The following MARK4 variants were observed in gnomAD, a reference collection of about 807,000 sequenced individuals.
The protein encoded by MARK4 is MAP/microtubule affinity-regulating kinase 4.
A neutral mutation model predicts 81.5 loss-of-function variants in MARK4; 19 were observed. The observed-to-expected ratio is 0.23, with a 90% confidence interval of 0.16 to 0.34. The LOEUF is 0.34. Among genes scored for constraint, MARK4 ranks in the 10% least tolerant of loss-of-function variants. The probability of loss-of-function intolerance (pLI) is 1.00; values close to 1 mark genes in which losing one functional copy is unlikely to be tolerated. For synonymous variants in MARK4, 436 were observed against 439.0 expected (o/e 0.99, Z 0.08); for missense variants, 772 against 1,058.8 (o/e 0.73, Z 3.76).
chr19:45,301,467 G>T (rs1325560338), intron 16 of MARK4, among the ~76,000 whole-genome samples: 2 of 145,538 alleles, frequency 1.4e-5, no homozygotes, highest in Non-Finnish European at 3.0e-5. Context: ...TGAGGCAGGA[G>T]AATTGCTTGA....
intron 13 of MARK4, among the ~76,000 whole-genome samples, chr19:45,293,882 T>C (rs1970850874): frequency 6.6e-6 from 1 of 152,112 alleles, no homozygotes; most frequent in Non-Finnish European, 1.5e-5. Context: ...TGGTAGATTA[T>C]GAACTGACAC....
At chr19:45,265,932 A>G (rs345422) in intron 6 of MARK4, among the ~76,000 whole-genome samples, 45 of 152,078 alleles carry the variant, frequency 3.0e-4, no homozygotes, top group African/African-American at 9.9e-4. Context: ...CGGCCTGTCT[A>G]TCTACAGGTA....
chr19:45,252,021 A>T (rs894596932), intron 1 of MARK4, among the ~76,000 whole-genome samples: 1 of 147,806 alleles, frequency 6.8e-6, no homozygotes, highest in South Asian at 2.2e-4. Flanking sequence ...AGGGCCCCTG[A>T]CCCCCCAAGG....
At chr19:45,256,682 A>C (rs996293666) in intron 1 of MARK4, among the ~76,000 whole-genome samples, 2 of 152,188 alleles carry the variant, frequency 1.3e-5, no homozygotes, top group Admixed American at 6.5e-5. Context: ...GGGCAGCCTC[A>C]TTTAGGGCAA....
rs1254462525 is a variant in MARK4 at position 45,277,865 on chromosome 19, GT to G, written c.787-57del. The G allele has an allele frequency of 6.2e-6, 9 of 1,455,892 alleles. No individual in the cohort carries two copies. The African/African-American group carries it at 1.4e-4, about 23-fold the overall frequency. 90.2% of individuals were successfully genotyped at this position (1,455,892 alleles called of 1,614,324 possible). A position where few individuals can be genotyped will look rare whatever the true frequency, so the allele number is the denominator to read the frequency against. Reference sequence around the variant, plus strand: ...TGTGTGTGTGTGTGTGTGTGTGTGTGTGTGTAATAGGTGGGGGGCGGGGCAG... The same window carrying G: ...TGTGTGTGTGTGTGTGTGTGTGTGTGGTGTAATAGGTGGGGGGCGGGGCAG... On this transcript the variant is annotated intron_variant, in intron 8 of 16. Transcript: ENST00000262891.
intron 12 of MARK4, among the ~76,000 whole-genome samples, chr19:45,283,409 CAAA>C (rs869039919): frequency 0.027 from 2,342 of 86,198 alleles, 19 homozygotes; most frequent in Non-Finnish European, 0.038. Context: ...GACTTCCTCT[CAAA>C]AAAAAAAAAA....
At chr19:45,261,727 C>T (rs1173606630) in intron 2 of MARK4, among the ~76,000 whole-genome samples, 3 of 152,100 alleles carry the variant, frequency 2.0e-5, no homozygotes, top group Admixed American at 1.3e-4. Flanking sequence ...TGATGTTGGG[C>T]GTTCAAGACC....
In MARK4 at chr19:45,302,496, C is replaced by T. The variant is rs773329195; in HGVS notation, c.2045C>T (p.Ala682Val). The T allele has an allele frequency of 6.2e-7, 1 of 1,606,576 alleles. No homozygotes were observed. Among genetic ancestry groups the T allele is most frequent in the African/African-American group, 1.3e-5 (1 of 75,026 alleles). Reference sequence around the variant, plus strand: ...ATGGCAGCTCTGCGCCAGGCCACAGCAGCCGCCCGCTGCCGCTGCCGCCAG... The same window carrying T: ...ATGGCAGCTCTGCGCCAGGCCACAGTAGCCGCCCGCTGCCGCTGCCGCCAG... ...ALMAALRQAT[A>V]AARCRCRQPQ... The change falls in exon 17 of 17, where the codon GCA becomes GTA. Residue 682 changes from alanine (A) to valine (V), a missense_variant. Ala to Val is a moderately conservative substitution (Grantham distance 64, BLOSUM62 0). Around this residue, in one of 3 missense-constraint regions of MARK4, gnomAD observed 548 missense variants for 624.3 expected, o/e 0.88. Coordinates refer to ENST00000262891, the MANE Select transcript of MARK4 (RefSeq NM_001199867.2). This position sits in a 1 kb window ranked among gnomAD's most constrained non-coding sequence, Gnocchi z 4.9.
chr19:45,288,552 C>CAA (rs60847753), intron 13 of MARK4: 3 of 100,660 alleles, frequency 3.0e-5, no homozygotes, highest in East Asian at 4.1e-4. Flanking sequence ...GACTCCATTT[C>CAA]AAAAAAAAAA....
intron 6 of MARK4, 61 bp from the exon 7 acceptor site, chr19:45,266,164 C>T: frequency 6.4e-7 from 1 of 1,552,746 alleles, no homozygotes; most frequent in Middle Eastern, 1.7e-4. Flanking sequence ...TTTCACAGTC[C>T]ACTGAGGGAG....
rs565526118 is a variant in MARK4 at position 45,285,309 on chromosome 19, G to A, written c.1277-2138G>A. 4.1e-5 allele frequency among the ~76,000 whole-genome samples: 6 copies of A among 146,742 alleles called. No homozygotes were observed. In the South Asian group the frequency reaches 1.3e-3, roughly 33 times the overall value. On this transcript the variant is annotated intron_variant, in intron 12 of 16. Coordinates refer to ENST00000262891, the MANE Select transcript of MARK4 (RefSeq NM_001199867.2). ...AAGAATCCAGCCCAAGTGTTAGCTA[G>A]AATCTCCTTGGTCCACTCATCAGGA...
chr19:45,282,229 T>TA lies in MARK4; in HGVS notation c.1276+1511dup, dbSNP rs767436315. ...CAGAGAGACCTCATCTCAAAAAAAT[T>TA]AAAAAAAAAAAAAAAAGGATACACA... On this transcript the variant is annotated intron_variant, in intron 12 of 16. Coordinates refer to ENST00000262891, the MANE Select transcript of MARK4 (RefSeq NM_001199867.2). Among the ~76,000 whole-genome samples, 540 of 117,870 alleles carry TA rather than the reference T, an allele frequency of 4.6e-3. 1 individual carries two copies. Among genetic ancestry groups the TA allele is most frequent in the South Asian group, 0.011 (39 of 3,706 alleles). 77.3% of individuals were successfully genotyped at this position (117,870 alleles called of 152,430 possible). A position where few individuals can be genotyped will look rare whatever the true frequency, so the allele number is the denominator to read the frequency against.
At position 45,263,267 on chromosome 19, in the gene MARK4, C is replaced by T. The variant is rs150694830; in HGVS notation, c.307-52C>T. 2,984 of 1,614,044 alleles carry T rather than the reference C, an allele frequency of 1.8e-3. 53 individuals carry two copies. The African/African-American group carries it at 0.035, about 19-fold the overall frequency. ...GGGGGCCCGGCTGGGGAAAGGATCC[C>T]CCAAGCCACCCACCCTCACTCTCCT... is the stretch of plus-strand genomic sequence containing the variant. On this transcript the variant is annotated intron_variant, in intron 3 of 16. Coordinates refer to ENST00000262891, the MANE Select transcript of MARK4 (RefSeq NM_001199867.2).
chr19:45,293,282 A>C (rs184337105), intron 13 of MARK4, among the ~76,000 whole-genome samples: 1 of 152,266 alleles, frequency 6.6e-6, no homozygotes, highest in East Asian at 1.9e-4. Flanking sequence ...ATAAATAAAT[A>C]AATAAAATCC....
intron 15 of MARK4, among the ~76,000 whole-genome samples, chr19:45,298,470 G>T (rs34600364): frequency 0.19 from 28,780 of 152,136 alleles, 3,604 homozygotes; most frequent in South Asian, 0.27. Flanking sequence ...TGTAAAATGG[G>T]TATAGTAATA....
At chr19:45,257,100 A>T (rs1024708684) in intron 1 of MARK4, among the ~76,000 whole-genome samples, 1 of 151,552 alleles carries the variant, frequency 6.6e-6, no homozygotes, top group Admixed American at 6.6e-5. Context: ...GACTATAGGC[A>T]TATGCCACCA....
At position 45,280,502 on chromosome 19, in the gene MARK4, C is replaced by T. The variant is rs536028232; in HGVS notation, c.1116+19C>T. On this transcript the variant is annotated intron_variant, in intron 11 of 16. Coordinates refer to ENST00000262891, the MANE Select transcript of MARK4 (RefSeq NM_001199867.2). ...GACTGAGGTCAGGGGGCGCCAGGGG[C>T]CCTTGGGGACGCGTGATGCCTGGGT... The T allele has an allele frequency of 2.5e-6, 4 of 1,613,918 alleles. No homozygotes were observed. The highest frequency in any genetic ancestry group is 3.4e-6 in the Non-Finnish European group (4 of 1,179,930).
At chr19:45,287,003 T>A (rs910057669) in intron 12 of MARK4, among the ~76,000 whole-genome samples, 1 of 152,058 alleles carries the variant, frequency 6.6e-6, no homozygotes, top group African/African-American at 2.4e-5. Context: ...CCTTGACTTA[T>A]CTAGTCATTC....
In MARK4 at chr19:45,302,696, G is replaced by C; in HGVS notation, c.2245G>C (p.Asp749His). The C allele has an allele frequency of 6.5e-7, 1 of 1,536,352 alleles. No individual in the cohort carries two copies. The highest frequency in any genetic ancestry group is 8.7e-7 in the Non-Finnish European group (1 of 1,146,910). The change falls in exon 17 of 17, where the codon GAC becomes CAC. Residue 749 changes from aspartate to histidine, a missense_variant. This residue lies in a region of MARK4 where 548 missense variants were observed against 624.3 expected (regional missense o/e 0.88). Coordinates refer to ENST00000262891, the MANE Select transcript of MARK4 (RefSeq NM_001199867.2). This position sits in a 1 kb window ranked among gnomAD's most constrained non-coding sequence, Gnocchi z 4.9. ...FRTLVTRISN[D>H]LEL ...CACCCTCGTCACCCGCATCTCCAACGACCTCGAGCTCTGAGCCACCACGGT... is the reference window on the plus strand; with the variant it reads ...CACCCTCGTCACCCGCATCTCCAACCACCTCGAGCTCTGAGCCACCACGGT...
Sources: gnomAD v4.1 joint callset for allele counts (sites outside exome capture counted in the v4.1 genomes callset) on GRCh38, gnomAD v4.1.1 for gene constraint, gnomAD v4.1.1 regional missense constraint, Gnocchi (gnomAD v3.1) non-coding constraint, MANE v1.5 for transcripts, NCBI Gene and HGNC (gene_info 2026-07-23, HGNC 2026-07-21) for gene names.